Variants in TRPS1 observed in about 807,000 individuals in gnomAD.
TRPS1 encodes zinc finger transcription factor Trps1.
Under a neutral mutation model 101.2 loss-of-function variants are expected in TRPS1, and 6 were observed. The ratio of observed to expected loss-of-function variants is 0.06; its 90% CI spans 0.03 to 0.12. TRPS1 has a LOEUF of 0.12. TRPS1 is among the 10% of genes least tolerant of loss of function. The pLI is 1.00. For missense variants in TRPS1, 1,363 were observed against 1,567.0 expected, an observed-to-expected ratio of 0.87 and a Z score of 2.20; for synonymous variants, 578 against 589.8, an observed-to-expected ratio of 0.98 and a Z score of 0.29.
At chr8:115,663,108 C>G (rs988177650) in intron 1 of TRPS1, among the ~76,000 whole-genome samples, 6 of 152,046 alleles carry the variant, frequency 3.9e-5, no homozygotes, top group African/African-American at 1.4e-4. Context: ...TGAAATGCAC[C>G]AGCCATCACA....
intron 4 of TRPS1, among the ~76,000 whole-genome samples, chr8:115,600,631 T>C (rs1196425970): frequency 6.6e-6 from 1 of 152,066 alleles, no homozygotes; most frequent in Non-Finnish European, 1.5e-5. Flanking sequence ...CCCTACTCTG[T>C]GTTTAGTGCA....
Position 115,604,482 on chromosome 8 carries a change from T to C in TRPS1, c.1487A>G (p.Gln496Arg), listed in dbSNP as rs1458046736. ...TTCTGAACTTTTGGCTAGATCATTC[T>C]GATTAATGACAGAGCCCCTGGAAAG... The part of the protein sequence containing the change: ...DKLSRGSVIN[Q>R]NDLAKSSEGE... Residue 496 changes from glutamine to arginine, a missense_variant, in exon 4 of 7, where the codon CAG becomes CGG. Gln to Arg is a conservative substitution (Grantham distance 43, BLOSUM62 1). Around this residue, in one of 5 missense-constraint regions of TRPS1, gnomAD observed 1,020 missense variants for 1,073.0 expected, o/e 0.95. Transcript: ENST00000395715. This position sits in a 1 kb window ranked among gnomAD's most constrained non-coding sequence, Gnocchi z 4.1. 1 of 1,614,160 alleles carries C rather than the reference T, an allele frequency of 6.2e-7. No homozygotes were observed. The highest frequency in any genetic ancestry group is 1.1e-5 in the South Asian group (1 of 91,090).
Position 115,604,954 on chromosome 8 carries a change from A to T in TRPS1, c.1015T>A (p.Cys339Ser). ...FIGIGRKTPD[C>S]QGNTKYFRCK... is the part of the protein sequence containing the mutation. ...CGGAAATACTTGGTGTTCCCTTGGC[A>T]ATCTGGTGTTTTCCGTCCAATGCCA... Residue 339 changes from cysteine to serine, a missense_variant, in exon 4 of 7, where the codon TGC becomes AGC. Cys to Ser is a moderately radical substitution (Grantham distance 112, BLOSUM62 -1). Transcript: ENST00000395715. This position sits in a 1 kb window ranked among gnomAD's most constrained non-coding sequence, Gnocchi z 4.1. 6.2e-7 allele frequency: 1 copy of T among 1,614,010 alleles called. No homozygotes were observed. The highest frequency in any genetic ancestry group is 8.5e-7 in the Non-Finnish European group (1 of 1,179,934).
In TRPS1 at chr8:115,411,172, G is replaced by A. The variant is rs183789977; in HGVS notation, c.*2851C>T. 40 of 152,096 alleles carry A rather than the reference G, an allele frequency of 2.6e-4. No individual in the cohort carries two copies. The highest frequency in any genetic ancestry group is 9.7e-4 in the East Asian group (5 of 5,138). 9.4% of individuals were successfully genotyped at this position (152,096 alleles called of 1,614,324 possible). ...AAAGAAGTATGGAATAAGATCTATCGTGTCAACGCTATCCAAAAATATTCT... is the reference window on the plus strand; with the variant it reads ...AAAGAAGTATGGAATAAGATCTATCATGTCAACGCTATCCAAAAATATTCT... On this transcript the variant is annotated 3_prime_UTR_variant, in exon 7 of 7. Transcript: ENST00000395715.
intron 5 of TRPS1, among the ~76,000 whole-genome samples, chr8:115,560,138 C>A (rs1816913275): frequency 6.6e-6 from 1 of 151,984 alleles, no homozygotes; most frequent in South Asian, 2.1e-4. Context: ...AAAATAAAAT[C>A]AACATTCCTT....
intron 5 of TRPS1, among the ~76,000 whole-genome samples, chr8:115,432,400 T>G (rs956162454): frequency 5.9e-5 from 9 of 151,880 alleles, no homozygotes; most frequent in African/African-American, 1.9e-4. Flanking sequence ...ATAATTTTAT[T>G]TAAAAGTCCA....
chr8:115,646,374 T>C lies in TRPS1; in HGVS notation c.-122+22171A>G, dbSNP rs187476590. On this transcript the variant is annotated intron_variant, in intron 1 of 6. Transcript: ENST00000395715. ...AACCTATGGGACTTCTAACCATAGC[T>C]GGACAGAAGTCTATTCCAGACAATC... is the stretch of plus-strand genomic sequence containing the variant. Among the ~76,000 whole-genome samples the C allele has an allele frequency of 8.5e-3, 1,295 of 152,304 alleles. 11 individuals carry two copies. The highest frequency in any genetic ancestry group is 0.011 in the Non-Finnish European group (746 of 67,998).
In TRPS1 at chr8:115,604,650, C is replaced by T. The variant is rs369448348; in HGVS notation, c.1319G>A (p.Gly440Asp). 1 of 1,613,974 alleles carries T rather than the reference C, an allele frequency of 6.2e-7. No individual in the cohort carries two copies. The highest frequency in any genetic ancestry group is 8.5e-7 in the Non-Finnish European group (1 of 1,179,986). ...IKPLDSSRQN[G>D]TEATSYYWCK... is the part of the protein sequence containing the mutation. ...CCAGTAGTAACTGGTGGCCTCTGTA[C>T]CATTTTGTCTAGAGGAATCGAGGGG... is the stretch of plus-strand genomic sequence containing the variant. Residue 440 changes from glycine to aspartate, a missense_variant, in exon 4 of 7, where the codon GGT becomes GAT. Gly to Asp is a moderately conservative substitution (Grantham distance 94, BLOSUM62 -1). Coordinates refer to ENST00000395715, the MANE Select transcript of TRPS1 (RefSeq NM_014112.5). This position sits in a 1 kb window ranked among gnomAD's most constrained non-coding sequence, Gnocchi z 4.1.
intron 5 of TRPS1, among the ~76,000 whole-genome samples, chr8:115,442,565 G>GTGTT (rs1045448599): frequency 6.6e-6 from 1 of 151,742 alleles, no homozygotes; most frequent in Non-Finnish European, 1.5e-5. Context: ...GTGTGTGTGT[G>GTGTT]TGTGTGTGTG....
intron 5 of TRPS1, among the ~76,000 whole-genome samples, chr8:115,568,615 A>AT (rs2130388601): frequency 6.6e-6 from 1 of 152,280 alleles, no homozygotes; most frequent in African/African-American, 2.4e-5. Flanking sequence ...TGCTCTAAAA[A>AT]ATATATCAGA....
At chr8:115,578,732 G>T (rs747102010) in intron 5 of TRPS1, among the ~76,000 whole-genome samples, 7 of 151,978 alleles carry the variant, frequency 4.6e-5, no homozygotes, top group Non-Finnish European at 1.0e-4. Context: ...ATATGAACAC[G>T]AAAGTATTTA....
At chr8:115,478,830 T>C (rs1050561994) in intron 5 of TRPS1, among the ~76,000 whole-genome samples, 9 of 144,992 alleles carry the variant, frequency 6.2e-5, no homozygotes, top group African/African-American at 2.1e-4. Context: ...TATATGTATA[T>C]ATGTATATAA....
At chr8:115,602,212 G>C (rs184756522) in intron 4 of TRPS1, among the ~76,000 whole-genome samples, 1 of 151,726 alleles carries the variant, frequency 6.6e-6, no homozygotes, top group East Asian at 1.9e-4. Flanking sequence ...GTTCTGGCTG[G>C]TTTCCTCATG....
At chr8:115,471,665 C>T (rs951260187) in intron 5 of TRPS1, among the ~76,000 whole-genome samples, 25 of 152,162 alleles carry the variant, frequency 1.6e-4, no homozygotes, top group Non-Finnish European at 8.8e-5. Context: ...TGAAACAAGG[C>T]AAGTCCCTTC....
chr8:115,434,997 A>C (rs12334912), intron 5 of TRPS1, among the ~76,000 whole-genome samples: 41,055 of 152,130 alleles, frequency 0.27, 6,547 homozygotes, highest in Middle Eastern at 0.48. Flanking sequence ...ATCGAAGAAC[A>C]TAAGAAATGT....
chr8:115,459,281 G>A (rs766315531), intron 5 of TRPS1, among the ~76,000 whole-genome samples: 4 of 151,926 alleles, frequency 2.6e-5, no homozygotes, highest in African/African-American at 7.2e-5. Context: ...CAGAGATCGC[G>A]CCACTGCACT....
chr8:115,479,091 T>C (rs1179905083), intron 5 of TRPS1, among the ~76,000 whole-genome samples: 1 of 151,912 alleles, frequency 6.6e-6, no homozygotes, highest in Non-Finnish European at 1.5e-5. Flanking sequence ...TCAGGCATAA[T>C]TTCCTGGCAT....
chr8:115,622,278 T>C (rs1453308263), intron 2 of TRPS1, among the ~76,000 whole-genome samples: 1 of 152,160 alleles, frequency 6.6e-6, no homozygotes, highest in Non-Finnish European at 1.5e-5. Context: ...AGGAGTCCTG[T>C]ATTCTTTTGT....
intron 1 of TRPS1, among the ~76,000 whole-genome samples, chr8:115,653,086 C>T (rs931818902): frequency 6.6e-6 from 1 of 152,068 alleles, no homozygotes; most frequent in Non-Finnish European, 1.5e-5. Context: ...AGCTATTTTG[C>T]CTTATTTTGA....
Sources: gnomAD v4.1 joint callset for allele counts (sites outside exome capture counted in the v4.1 genomes callset) on GRCh38, gnomAD v4.1.1 for gene constraint, gnomAD v4.1.1 regional missense constraint, Gnocchi (gnomAD v3.1) non-coding constraint, MANE v1.5 for transcripts, NCBI Gene and HGNC (gene_info 2026-07-23, HGNC 2026-07-21) for gene names.